Variants in MYO5A observed in about 807,000 individuals in gnomAD.
MYO5A encodes the protein myosin VA.
In MYO5A, 98 loss-of-function variants were observed where a neutral mutation model predicts 249.7. The ratio of observed to expected loss-of-function variants is 0.39; its 90% confidence interval spans 0.33 to 0.46. The LOEUF is 0.46. MYO5A is among the 20% of genes least tolerant of loss of function. The pLI, the probability that MYO5A is intolerant of heterozygous loss-of-function variation, is 0.98. For synonymous variants in MYO5A, 778 were observed against 810.6 expected, an observed-to-expected ratio of 0.96 and a Z score of 0.68; for missense variants, 1,696 against 2,308.8, an observed-to-expected ratio of 0.73 and a Z score of 5.44.
In MYO5A at chr15:52,364,603, C is replaced by T. The variant is rs779402364; in HGVS notation, c.3260G>A (p.Arg1087His). 113 of 1,613,706 alleles carry T rather than the reference C, an allele frequency of 7.0e-5. 1 individual carries two copies. The highest frequency in any genetic ancestry group is 8.6e-5 in the Non-Finnish European group (101 of 1,179,970). Residue 1087 changes from arginine to histidine, a missense_variant, in exon 24 of 42, where the codon CGC (arginine) becomes CAC (histidine). Physicochemically the swap from Arg to His is conservative, Grantham distance 29. Around this residue, in one of 5 missense-constraint regions of MYO5A, gnomAD observed 412 missense variants for 453.3 expected, o/e 0.91. Coordinates refer to ENST00000399233, the MANE Select transcript of MYO5A (RefSeq NM_001382347.1). The stretch of plus-strand genomic sequence containing the variant: ...GAGGTCATCATATCTTTCTTCCAGG[C>T]GACTGAACTCATTCAGAAGGTTCTG... ...RYQNLLNEFS[R>H]LEERYDDLKE...
At chr15:52,436,747 G>A (rs2075672005) in intron 1 of MYO5A, among the ~76,000 whole-genome samples, 1 of 152,186 alleles carries the variant, frequency 6.6e-6, no homozygotes, top group African/African-American at 2.4e-5. Flanking sequence ...CAGAATAAAA[G>A]GCATCTCTTT....
chr15:52,311,165 C>T lies in MYO5A; in HGVS notation c.*2531G>A, dbSNP rs750567203. The T allele has an allele frequency of 6.6e-6, 1 of 152,196 alleles. No individual in the cohort carries two copies. Among genetic ancestry groups the T allele is most frequent in the Admixed American group, 6.5e-5 (1 of 15,268 alleles). The allele number at this position is 152,196 out of a possible 1,614,324, so 9.4% of individuals were successfully genotyped here. A position where few individuals can be genotyped will look rare whatever the true frequency, so the allele number is the denominator to read the frequency against. ...ATGACGCTTCAGTACATGAGCTGTCCGGAGTAAAAAAAAGGGCTGCATGGC... is the reference window on the plus strand; with the variant it reads ...ATGACGCTTCAGTACATGAGCTGTCTGGAGTAAAAAAAAGGGCTGCATGGC... On this transcript the variant is annotated 3_prime_UTR_variant, in exon 42 of 42. Transcript: ENST00000399233.
intron 16 of MYO5A, among the ~76,000 whole-genome samples, 175 bp downstream of exon 16, chr15:52,382,916 G>A (rs929493749): frequency 6.6e-6 from 1 of 152,102 alleles, no homozygotes; most frequent in African/African-American, 2.4e-5. Flanking sequence ...TTCTCAAAAG[G>A]GACAAAAACT....
chr15:52,337,574 A>T (rs1000870357), intron 33 of MYO5A, among the ~76,000 whole-genome samples: 1 of 152,260 alleles, frequency 6.6e-6, no homozygotes, highest in African/African-American at 2.4e-5. Flanking sequence ...TTCAAATCAC[A>T]TTTTGCTTCC....
chr15:52,505,878 C>A (rs1220889794), intron 1 of MYO5A: 1 of 1,557,236 alleles, frequency 6.4e-7, no homozygotes, highest in African/African-American at 1.4e-5. Flanking sequence ...CATCCTGGAT[C>A]ATGGCATTTA....
intron 20 of MYO5A, among the ~76,000 whole-genome samples, chr15:52,373,525 C>G (rs769895260): frequency 6.6e-6 from 1 of 152,164 alleles, no homozygotes; most frequent in Non-Finnish European, 1.5e-5. Context: ...AAGACCCCCC[C>G]ACTCCAAATC....
chr15:52,335,484 C>G (rs2039070088), intron 34 of MYO5A, among the ~76,000 whole-genome samples: 1 of 144,092 alleles, frequency 6.9e-6, no homozygotes, highest in Non-Finnish European at 1.5e-5. Flanking sequence ...CCACTGCACT[C>G]CAGCCTCAGC....
chr15:52,425,962 A>AC lies in MYO5A; in HGVS notation c.322dup (p.Val108GlyfsTer7). 1 of 1,612,758 alleles carries AC rather than the reference A, an allele frequency of 6.2e-7. No individual in the cohort carries two copies. Among genetic ancestry groups the AC allele is most frequent in the Non-Finnish European group, 8.5e-7 (1 of 1,178,846 alleles). ...CAGCTGTTCATAGGGATTTATAGCT[A>AC]CTAGGACTATACCTGGGAATAGGGT... On this transcript the variant is annotated frameshift_variant, in exon 4 of 42. Transcript: ENST00000399233. LOFTEE classifies it high-confidence loss of function.
intron 1 of MYO5A, among the ~76,000 whole-genome samples, chr15:52,489,392 G>A (rs374725229): frequency 9.9e-5 from 15 of 151,882 alleles, no homozygotes; most frequent in Non-Finnish European, 2.2e-4. Context: ...GTGAAACCCC[G>A]TCTCTACTAA....
intron 25 of MYO5A, among the ~76,000 whole-genome samples, chr15:52,355,866 A>G (rs1335747931): frequency 6.6e-6 from 1 of 152,220 alleles, no homozygotes; most frequent in Non-Finnish European, 1.5e-5. Flanking sequence ...CCGAGGGACG[A>G]CTGTATAGTT....
chr15:52,326,865 C>T (rs549024089), intron 36 of MYO5A, among the ~76,000 whole-genome samples: 1 of 152,288 alleles, frequency 6.6e-6, no homozygotes, highest in South Asian at 2.1e-4. Context: ...AACATATGAT[C>T]TTAGCTCCTC....
At chr15:52,351,570 C>T in intron 27 of MYO5A, 89 bp from the exon 28 acceptor site, 1 of 1,330,448 alleles carries the variant, frequency 7.5e-7, no homozygotes, top group South Asian at 1.2e-5. Context: ...TAGAAGAATT[C>T]TGCTGAAAAA....
At chr15:52,377,182 G>C (rs779306068) in intron 18 of MYO5A, among the ~76,000 whole-genome samples, 1 of 152,020 alleles carries the variant, frequency 6.6e-6, no homozygotes, top group African/African-American at 2.4e-5. Flanking sequence ...CTAGCACTTC[G>C]GGAGGTCAAG....
chr15:52,462,746 G>A (rs1387127751), intron 1 of MYO5A, among the ~76,000 whole-genome samples: 2 of 152,074 alleles, frequency 1.3e-5, no homozygotes, highest in Non-Finnish European at 2.9e-5. Flanking sequence ...TACTCTGGAG[G>A]CTGAGGCAGG....
intron 40 of MYO5A, among the ~76,000 whole-genome samples, chr15:52,315,223 T>C (rs1266643740): frequency 1.3e-5 from 2 of 152,260 alleles, no homozygotes; most frequent in Non-Finnish European, 2.9e-5. Context: ...CCAACTTCTA[T>C]AAAGTTGGGC....
intron 4 of MYO5A, among the ~76,000 whole-genome samples, chr15:52,422,081 A>C (rs932996731): frequency 2.0e-5 from 3 of 152,214 alleles, no homozygotes; most frequent in African/African-American, 7.2e-5. Flanking sequence ...GACTGGCAAG[A>C]ATGTCAAACA....
chr15:52,421,608 A>G (rs970331679), intron 4 of MYO5A, among the ~76,000 whole-genome samples: 2 of 152,114 alleles, frequency 1.3e-5, no homozygotes, highest in Admixed American at 1.3e-4. Flanking sequence ...TACACCCCAC[A>G]TCTCTTGATT....
At position 52,425,758 on chromosome 15, in the gene MYO5A, T is replaced by C. The variant is rs146392786; in HGVS notation, c.455+72A>G. The C allele has an allele frequency of 3.5e-5, 54 of 1,541,856 alleles. No individual in the cohort carries two copies. In the East Asian group the frequency reaches 1.0e-3, roughly 30 times the overall value. ...CAAGGTTGCCATTCACTTTAAAATATATGTGACTTAGCAAGAAGAAATTAT... is the reference window on the plus strand; with the variant it reads ...CAAGGTTGCCATTCACTTTAAAATACATGTGACTTAGCAAGAAGAAATTAT... On this transcript the variant is annotated intron_variant, in intron 4 of 41. Transcript: ENST00000399233.
At chr15:52,405,239 T>C in intron 9 of MYO5A, 48 bp downstream of exon 9, 1 of 1,355,346 alleles carries the variant, frequency 7.4e-7, no homozygotes, top group Non-Finnish European at 1.1e-6. Flanking sequence ...TCTACAAATC[T>C]AAAACATAAT....
Sources: gnomAD v4.1 joint callset for allele counts (sites outside exome capture counted in the v4.1 genomes callset) on GRCh38, gnomAD v4.1.1 for gene constraint, gnomAD v4.1.1 regional missense constraint, MANE v1.5 for transcripts, NCBI Gene and HGNC (gene_info 2026-07-23, HGNC 2026-07-21) for gene names.